CMTM8: variants seen among roughly 807,000 people sequenced by gnomAD.
CMTM8 encodes the protein CKLF like MARVEL transmembrane domain containing 8, also known as CKLF-like MARVEL transmembrane domain-containing protein 8.
CMTM8 carries 12 observed loss-of-function variants against 18.6 expected under a neutral mutation model. That is an observed-to-expected ratio of 0.65 (90% CI 0.41 to 1.05). The LOEUF (loss-of-function observed/expected upper bound fraction) is 1.05, where lower values mean the gene tolerates loss of function less well. CMTM8 is among the 50% of genes least tolerant of loss of function. The pLI is 0.00. For synonymous variants in CMTM8, 87 were observed against 90.6 expected (o/e 0.96, Z 0.23); for missense variants, 217 against 227.2 (o/e 0.95, Z 0.29).
intron 1 of CMTM8, chr3:32,259,808 G>T: frequency 1.2e-6 from 1 of 827,198 alleles, no homozygotes. Flanking sequence ...CGAGGTTGGA[G>T]CTGCTGAGAT....
At chr3:32,242,730 GC>G (rs1701959632) in intron 1 of CMTM8, among the ~76,000 whole-genome samples, 2 of 152,182 alleles carry the variant, frequency 1.3e-5, no homozygotes, top group Non-Finnish European at 1.5e-5. Context: ...ACAATGATGT[GC>G]CTTCATATGA....
chr3:32,320,710 T>C (rs1312035566), intron 1 of CMTM8, among the ~76,000 whole-genome samples: 3 of 152,208 alleles, frequency 2.0e-5, no homozygotes, highest in African/African-American at 7.2e-5. Context: ...CTGGCATTTA[T>C]TTTTATCTTT....
chr3:32,250,728 T>C (rs1260837302), intron 1 of CMTM8, among the ~76,000 whole-genome samples: 1 of 152,096 alleles, frequency 6.6e-6, no homozygotes. Flanking sequence ...CCAATTGAGT[T>C]CTTTTTTATT....
At chr3:32,307,502 G>T (rs1695737964) in intron 1 of CMTM8, among the ~76,000 whole-genome samples, 1 of 152,178 alleles carries the variant, frequency 6.6e-6, no homozygotes, top group Non-Finnish European at 1.5e-5. Flanking sequence ...TCCTCGGGGA[G>T]ATGATAAGTA....
intron 1 of CMTM8, among the ~76,000 whole-genome samples, chr3:32,298,736 A>G (rs961593756): frequency 1.3e-5 from 2 of 150,290 alleles, no homozygotes; most frequent in Non-Finnish European, 3.0e-5. Flanking sequence ...GAGCTCCAGC[A>G]ATCCTCCCAC....
At chr3:32,368,448 A>G (rs6550125) in intron 3 of CMTM8, among the ~76,000 whole-genome samples, 48,141 of 149,928 alleles carry the variant, frequency 0.32, 7,992 homozygotes, top group East Asian at 0.52. Context: ...GTGAGACAAG[A>G]AACTTCTATT....
chr3:32,261,015 A>T (rs976742026), intron 1 of CMTM8, among the ~76,000 whole-genome samples: 1 of 152,120 alleles, frequency 6.6e-6, no homozygotes, highest in African/African-American at 2.4e-5. Flanking sequence ...TGAGGCCAGG[A>T]GTTTGAGACC....
At chr3:32,258,930 C>T (rs538964357) in intron 1 of CMTM8, 3 of 314,138 alleles carry the variant, frequency 9.5e-6, no homozygotes, top group Admixed American at 3.5e-5. Context: ...CCCCACTGCC[C>T]CCGGACAGCG....
chr3:32,255,719 C>A (rs1350455279), intron 1 of CMTM8, among the ~76,000 whole-genome samples: 3 of 151,924 alleles, frequency 2.0e-5, no homozygotes, highest in Admixed American at 2.0e-4. Flanking sequence ...TTAATTTTTA[C>A]TCAGTTATTT....
At chr3:32,334,431 C>T (rs1469390941) in intron 1 of CMTM8, among the ~76,000 whole-genome samples, 2 of 151,794 alleles carry the variant, frequency 1.3e-5, no homozygotes, top group African/African-American at 2.4e-5. Flanking sequence ...ATGGTGAAAC[C>T]CCGTCTCTAC....
At chr3:32,285,285 C>T (rs542568316) in intron 1 of CMTM8, among the ~76,000 whole-genome samples, 53 of 152,196 alleles carry the variant, frequency 3.5e-4, no homozygotes, top group Admixed American at 1.5e-3. Flanking sequence ...GAGGCCGAGG[C>T]GGATGGATCA....
At chr3:32,278,688 A>G (rs1361402597) in intron 1 of CMTM8, among the ~76,000 whole-genome samples, 1 of 152,194 alleles carries the variant, frequency 6.6e-6, no homozygotes, top group East Asian at 1.9e-4. Context: ...ATCTCTGTTA[A>G]CCATCCTAAT....
In CMTM8 at chr3:32,366,411, G is replaced by A. The variant is rs965968253; in HGVS notation, c.322-1461G>A. Reference sequence around the variant, plus strand: ...CTGGCCCCCTCGTCCACATGGGCTCGTGCACAAGGCCCAGGACGTCAGGGC... The same window carrying A: ...CTGGCCCCCTCGTCCACATGGGCTCATGCACAAGGCCCAGGACGTCAGGGC... On this transcript the variant is annotated intron_variant, in intron 2 of 3. Transcript: ENST00000307526. Among the ~76,000 whole-genome samples the A allele has an allele frequency of 3.9e-5, 6 of 152,270 alleles. 1 individual carries two copies. The highest frequency in any genetic ancestry group is 3.4e-3 in the Middle Eastern group (1 of 294).
chr3:32,329,368 G>A (rs777203093), intron 1 of CMTM8, among the ~76,000 whole-genome samples: 10 of 152,112 alleles, frequency 6.6e-5, no homozygotes, highest in Non-Finnish European at 7.4e-5. Context: ...GCCTGGCCTC[G>A]TTAAAAAATT....
At chr3:32,331,186 A>G (rs907595562) in intron 1 of CMTM8, among the ~76,000 whole-genome samples, 2 of 152,234 alleles carry the variant, frequency 1.3e-5, no homozygotes, top group African/African-American at 4.8e-5. Flanking sequence ...AGAAAAAGAT[A>G]TGCAAATGCC....
In CMTM8 at chr3:32,331,911, A is replaced by C. The variant is rs6801617; in HGVS notation, c.148-25462A>C. Among the ~76,000 whole-genome samples, 1,306 of 152,296 alleles carry C rather than the reference A, an allele frequency of 8.6e-3. 20 individuals are homozygous for C. The highest frequency in any genetic ancestry group is 0.028 in the African/African-American group (1,157 of 41,560). On this transcript the variant is annotated intron_variant, in intron 1 of 3. Transcript: ENST00000307526. Reference sequence around the variant, plus strand: ...GCAAGGGGGAGTTCCTATTCAGTGCATCTACAGTTTCACTTTTACAAGATG... The same window carrying C: ...GCAAGGGGGAGTTCCTATTCAGTGCCTCTACAGTTTCACTTTTACAAGATG...
chr3:32,299,841 T>C (rs75386762), intron 1 of CMTM8, among the ~76,000 whole-genome samples: 288 of 152,310 alleles, frequency 1.9e-3, no homozygotes, highest in African/African-American at 6.0e-3. Flanking sequence ...GACTGCCAGA[T>C]AGTAAATATT....
At chr3:32,359,690 A>G (rs1696884730) in intron 2 of CMTM8, among the ~76,000 whole-genome samples, 1 of 152,188 alleles carries the variant, frequency 6.6e-6, no homozygotes, top group Non-Finnish European at 1.5e-5. Flanking sequence ...CTCTTCTCCA[A>G]GCCTAAAACT....
chr3:32,281,601 T>G (rs999606980), intron 1 of CMTM8, among the ~76,000 whole-genome samples: 3 of 152,200 alleles, frequency 2.0e-5, no homozygotes, highest in African/African-American at 7.2e-5. Flanking sequence ...CTTTTTTCTC[T>G]GCTCCACCTT....
Sources: gnomAD v4.1 joint callset for allele counts (sites outside exome capture counted in the v4.1 genomes callset) on GRCh38, gnomAD v4.1.1 for gene constraint, MANE v1.5 for transcripts, NCBI Gene and HGNC (gene_info 2026-07-23, HGNC 2026-07-21) for gene names.